The following GSE1 variants were observed in gnomAD, a reference collection of about 807,000 sequenced individuals.
The protein encoded by GSE1 is Gse1 coiled-coil protein, also known as genetic suppressor element 1.
A neutral mutation model predicts 112.6 loss-of-function variants in GSE1; 32 were observed. The ratio of observed to expected loss-of-function variants is 0.28; its 90% CI spans 0.21 to 0.38. The LOEUF is 0.38. Among genes scored for constraint, GSE1 ranks in the 10% least tolerant of loss-of-function variants. GSE1 has a pLI of 1.00. For missense variants in GSE1, 2,348 were observed against 1,699.2 expected (o/e 1.38, Z -6.71); for synonymous variants, 1,115 against 735.6 (o/e 1.52, Z -8.35).
rs531432174 is a variant in GSE1 at position 85,170,219 on chromosome 16, G to T, written c.695G>T (p.Arg232Leu). 3.0e-6 allele frequency: 3 copies of T among 985,414 alleles called. No homozygotes were observed. The African/African-American group carries it at 5.2e-5, about 17-fold the overall frequency. 61.0% of individuals were successfully genotyped at this position (985,414 alleles called of 1,614,324 possible). A position where few individuals can be genotyped will look rare whatever the true frequency, so the allele number is the denominator to read the frequency against. ...GGCGCAGAGGCCTCGGCGCAGGGGC[G>T]CGCGGAGGAGGAGGGGCTCCCCGCG... The change falls in exon 1 of 3, where the codon CGC (arginine) becomes CTC (leucine). Residue 232 changes from arginine (R) to leucine (L), a missense_variant. Arg to Leu is a moderately radical substitution (Grantham distance 102, BLOSUM62 -2). Transcript: ENST00000637419.
chr16:85,619,890 G>A lies in GSE1; in HGVS notation c.7+6492G>A, dbSNP rs532229000. On this transcript the variant is annotated intron_variant, in intron 1 of 15. Coordinates refer to ENST00000253458, the MANE Select transcript of GSE1 (RefSeq NM_014615.5). The stretch of plus-strand genomic sequence containing the variant: ...CACAGCTGGTAATTAATTGGTAGAG[G>A]AGCAGAAACCCACACCATGATTTTC... Among the ~76,000 whole-genome samples the A allele has an allele frequency of 2.6e-5, 4 of 152,160 alleles. No individual in the cohort carries two copies. In the East Asian group the frequency reaches 5.8e-4, roughly 22 times the overall value.
intron 1 of GSE1, among the ~76,000 whole-genome samples, chr16:85,621,162 G>T (rs1406524115): frequency 1.3e-5 from 2 of 148,430 alleles, no homozygotes; most frequent in Admixed American, 6.7e-5. Context: ...AGATGGTCTC[G>T]GCCCTGGATC....
At chr16:85,362,470 C>T (rs1398282046) in intron 2 of GSE1, among the ~76,000 whole-genome samples, 3 of 152,192 alleles carry the variant, frequency 2.0e-5, no homozygotes, top group Non-Finnish European at 2.9e-5. Flanking sequence ...TCCAAGTTTC[C>T]AAGTCCTAGC....
chr16:85,658,442 C>G (rs1400444198), intron 8 of GSE1, among the ~76,000 whole-genome samples: 5 of 152,216 alleles, frequency 3.3e-5, no homozygotes, highest in Admixed American at 6.5e-5. Flanking sequence ...GAGCATCTTT[C>G]CAGCTCTCAA....
At chr16:85,567,219 G>A (rs749884322) in intron 1 of GSE1, among the ~76,000 whole-genome samples, 59 of 152,172 alleles carry the variant, frequency 3.9e-4, no homozygotes, top group Non-Finnish European at 7.5e-4. Context: ...GGCGGCTGGT[G>A]GGTGGGTCTG....
At chr16:85,448,775 G>A (rs543209789) in intron 2 of GSE1, among the ~76,000 whole-genome samples, 4 of 152,350 alleles carry the variant, frequency 2.6e-5, no homozygotes, top group Admixed American at 2.0e-4. Flanking sequence ...AACCACCAAC[G>A]TGTTTATGAA....
intron 1 of GSE1, chr16:85,283,601 A>C (rs1490104664): frequency 6.6e-6 from 1 of 152,344 alleles, no homozygotes; most frequent in East Asian, 1.9e-4. Flanking sequence ...TCTCCCTGGG[A>C]TGGGCTGTGG....
At chr16:85,562,166 C>A (rs571622857) in intron 1 of GSE1, among the ~76,000 whole-genome samples, 1 of 150,926 alleles carries the variant, frequency 6.6e-6, no homozygotes, top group African/African-American at 2.5e-5. Flanking sequence ...TGCTTATTTA[C>A]AGCTCAGAAA....
intron 2 of GSE1, among the ~76,000 whole-genome samples, chr16:85,644,909 A>G (rs1197693649): frequency 1.3e-5 from 2 of 151,972 alleles, no homozygotes; most frequent in East Asian, 1.9e-4. Context: ...TTTTTCCCCA[A>G]AAACTTAAAG....
At chr16:85,303,115 T>A (rs1294040354) in intron 1 of GSE1, among the ~76,000 whole-genome samples, 1 of 152,200 alleles carries the variant, frequency 6.6e-6, no homozygotes, top group Non-Finnish European at 1.5e-5. Context: ...GGAAACGGGT[T>A]TAGTGACCAT....
chr16:85,544,346 C>T (rs1193610900), intron 2 of GSE1, among the ~76,000 whole-genome samples: 1 of 152,158 alleles, frequency 6.6e-6, no homozygotes, highest in Admixed American at 6.6e-5. Flanking sequence ...CTACTGAATA[C>T]CCCATGCTGG....
At chr16:85,340,207 G>A (rs528323955) in intron 1 of GSE1, among the ~76,000 whole-genome samples, 9 of 152,246 alleles carry the variant, frequency 5.9e-5, no homozygotes, top group East Asian at 1.9e-4. Flanking sequence ...AAAATTAGCC[G>A]GGTGTGGTGG....
intron 2 of GSE1, among the ~76,000 whole-genome samples, chr16:85,487,228 C>G (rs2050870632): frequency 6.6e-6 from 1 of 152,192 alleles, no homozygotes; most frequent in Admixed American, 6.5e-5. Flanking sequence ...CTCACCCCCC[C>G]AGGAAAAATT....
intron 1 of GSE1, among the ~76,000 whole-genome samples, chr16:85,243,669 C>T (rs1364626074): frequency 2.6e-5 from 4 of 152,254 alleles, no homozygotes; most frequent in South Asian, 2.1e-4. Context: ...GTGTCTGGTG[C>T]GCCGTGGTTT....
chr16:85,174,919 G>T (rs2074430119), intron 1 of GSE1, among the ~76,000 whole-genome samples: 1 of 152,144 alleles, frequency 6.6e-6, no homozygotes, highest in African/African-American at 2.4e-5. Flanking sequence ...CTTCCCATCT[G>T]TCTTTTGGGG....
intron 1 of GSE1, among the ~76,000 whole-genome samples, chr16:85,618,999 C>G (rs898961353): frequency 6.6e-6 from 1 of 152,236 alleles, no homozygotes; most frequent in African/African-American, 2.4e-5. Flanking sequence ...GCTCTGTTCC[C>G]CTACGCTCAA....
intron 2 of GSE1, among the ~76,000 whole-genome samples, chr16:85,534,283 G>C (rs937976079): frequency 6.6e-6 from 1 of 151,860 alleles, no homozygotes; most frequent in African/African-American, 2.4e-5. Flanking sequence ...CACCACACCT[G>C]GCTAATTTTT....
intron 2 of GSE1, among the ~76,000 whole-genome samples, chr16:85,366,420 G>C (rs145768723): frequency 6.6e-6 from 1 of 152,362 alleles, no homozygotes; most frequent in Non-Finnish European, 1.5e-5. Context: ...TCCATAGTCT[G>C]TTTCCCTCTC....
intron 2 of GSE1, among the ~76,000 whole-genome samples, chr16:85,634,647 G>T (rs1185738919): frequency 6.6e-6 from 1 of 152,068 alleles, no homozygotes; most frequent in Non-Finnish European, 1.5e-5. Context: ...GAGACTGTGG[G>T]GAGCATAGAC....
Sources: allele counts gnomAD v4.1 joint callset (sites outside exome capture counted in the v4.1 genomes callset), GRCh38; gene constraint gnomAD v4.1.1; transcripts MANE v1.5; gene names NCBI Gene and HGNC (gene_info 2026-07-23, HGNC 2026-07-21).